DNAH12: variants seen among roughly 807,000 people sequenced by gnomAD.
DNAH12 encodes the protein axonemal beta dynein heavy chain 12.
In DNAH12, 285 loss-of-function variants were observed where a neutral mutation model predicts 371.5. The observed-to-expected ratio is 0.77, with a 90% CI of 0.70 to 0.85. The LOEUF (loss-of-function observed/expected upper bound fraction) is 0.85. Among genes scored for constraint, DNAH12 ranks in the 40% least tolerant of loss-of-function variants. DNAH12 has a pLI of 0.00. For synonymous variants in DNAH12, 1,200 were observed against 1,213.0 expected, an observed-to-expected ratio of 0.99 and a Z score of 0.22; for missense variants, 3,611 against 3,689.4, an observed-to-expected ratio of 0.98 and a Z score of 0.55.
At chr3:57,392,487 GGA>G (rs1346787389) in intron 44 of DNAH12, among the ~76,000 whole-genome samples, 3 of 151,934 alleles carry the variant, frequency 2.0e-5, no homozygotes, top group Non-Finnish European at 2.9e-5. Context: ...TAGTTTCTTG[GGA>G]GGCTGAGGTA....
At chr3:57,478,995 G>A (rs1439045387) in intron 13 of DNAH12, among the ~76,000 whole-genome samples, 1 of 152,250 alleles carries the variant, frequency 6.6e-6, no homozygotes, top group East Asian at 1.9e-4. Context: ...GACCATCGAG[G>A]CTAGGAAGAA....
At chr3:57,517,965 G>C (rs1482060682) in intron 4 of DNAH12, among the ~76,000 whole-genome samples, 2 of 152,064 alleles carry the variant, frequency 1.3e-5, no homozygotes, top group Non-Finnish European at 2.9e-5. Flanking sequence ...GAGGCTAAGA[G>C]ATTGCTTGAG....
At chr3:57,335,041 C>G in intron 60 of DNAH12, 101 bp from the exon 61 acceptor site, 2 of 1,219,692 alleles carry the variant, frequency 1.6e-6, no homozygotes, top group Non-Finnish European at 2.2e-6. Context: ...TTAGACTGTA[C>G]TTACCCACCT....
At chr3:57,474,489 T>C (rs2066463567) in intron 13 of DNAH12, among the ~76,000 whole-genome samples, 1 of 152,002 alleles carries the variant, frequency 6.6e-6, no homozygotes, top group South Asian at 2.1e-4. Flanking sequence ...AGAGACGGGA[T>C]TTCACCATGT....
At chr3:57,491,040 C>T (rs1290544645) in intron 11 of DNAH12, among the ~76,000 whole-genome samples, 2 of 142,394 alleles carry the variant, frequency 1.4e-5, no homozygotes, top group East Asian at 4.2e-4. Context: ...CGAGGTCACA[C>T]CACTGCACTC....
intron 60 of DNAH12, among the ~76,000 whole-genome samples, chr3:57,345,299 A>G (rs1553657691): frequency 6.6e-6 from 1 of 151,990 alleles, no homozygotes; most frequent in African/African-American, 2.4e-5. Context: ...CTCTTGGGAG[A>G]ACTTCCAGGA....
chr3:57,523,097 T>C (rs1032351704), intron 4 of DNAH12, among the ~76,000 whole-genome samples: 2 of 152,096 alleles, frequency 1.3e-5, no homozygotes, highest in African/African-American at 4.8e-5. Flanking sequence ...TTAAAACCCA[T>C]ATTGGCCGGG....
At chr3:57,307,025 C>T (rs559161381) in intron 69 of DNAH12, among the ~76,000 whole-genome samples, 2 of 152,322 alleles carry the variant, frequency 1.3e-5, no homozygotes, top group African/African-American at 4.8e-5. Context: ...GCTCAGCAAA[C>T]TACCTGGGCT....
intron 11 of DNAH12, among the ~76,000 whole-genome samples, chr3:57,499,643 A>ATATATAT (rs1307559756): frequency 4.9e-4 from 12 of 24,592 alleles, no homozygotes; most frequent in Non-Finnish European, 7.5e-4. Context: ...AAAAAAAAAA[A>ATATATAT]AAAAATATAT....
intron 30 of DNAH12, 73 bp from the exon 31 acceptor site, chr3:57,433,901 C>T: frequency 1.6e-6 from 2 of 1,235,432 alleles, no homozygotes; most frequent in East Asian, 5.6e-5. Context: ...GTATATAAAA[C>T]TTTACCCTGT....
intron 62 of DNAH12, among the ~76,000 whole-genome samples, chr3:57,324,355 TA>T (rs2061881196): frequency 6.6e-6 from 1 of 152,242 alleles, no homozygotes; most frequent in African/African-American, 2.4e-5. Flanking sequence ...TATACTTAGA[TA>T]CCATTTTTAA....
At chr3:57,442,579 G>T (rs1480939508) in intron 29 of DNAH12, among the ~76,000 whole-genome samples, 1 of 152,116 alleles carries the variant, frequency 6.6e-6, no homozygotes, top group African/African-American at 2.4e-5. Context: ...AAATCCAAAA[G>T]AAGTCAGTAA....
intron 33 of DNAH12, 134 bp from the exon 34 acceptor site, chr3:57,428,955 G>A: frequency 1.2e-6 from 1 of 831,606 alleles, no homozygotes; most frequent in South Asian, 2.3e-5. Context: ...GCTTCACACA[G>A]TCTAGACGTT....
Position 57,375,406 on chromosome 3 carries a change from T to C in DNAH12, c.8724A>G (p.Ile2908Met), listed in dbSNP as rs1247092178. 6.6e-6 allele frequency: 1 copy of C among 152,184 alleles called. No individual in the cohort carries two copies. The highest frequency in any genetic ancestry group is 6.5e-5 in the Admixed American group (1 of 15,270). The allele number at this position is 152,184 out of a possible 1,614,324, so 9.4% of individuals were successfully genotyped here. A position where few individuals can be genotyped will look rare whatever the true frequency, so the allele number is the denominator to read the frequency against. Residue 2908 changes from isoleucine to methionine, a missense_variant, in exon 55 of 74, where the codon ATA becomes ATG. Around this residue, in one of 3 missense-constraint regions of DNAH12, gnomAD observed 2,266 missense variants for 2,236.9 expected, o/e 1.01. Transcript: ENST00000495027. ...IAGLPTDTFS[I>M]DNGVIVNNCR... ...AGTTGTTAACGATCACTCCGTTATC[T>C]ATGGAAAATGTATCTGTTGGTAAAC...
intron 69 of DNAH12, among the ~76,000 whole-genome samples, chr3:57,304,433 T>C (rs902534068): frequency 2.6e-5 from 4 of 152,132 alleles, no homozygotes; most frequent in Non-Finnish European, 1.5e-5. Flanking sequence ...TTTTTTACTC[T>C]CTTCTCCAAC....
intron 43 of DNAH12, among the ~76,000 whole-genome samples, chr3:57,399,613 T>C (rs962576606): frequency 2.0e-5 from 3 of 152,328 alleles, no homozygotes; most frequent in South Asian, 2.1e-4. Context: ...CAGGAAGATA[T>C]AACAATTACA....
intron 43 of DNAH12, 59 bp downstream of exon 43, chr3:57,403,250 T>A: frequency 1.4e-6 from 2 of 1,471,858 alleles, no homozygotes; most frequent in Non-Finnish European, 1.8e-6. Flanking sequence ...GGTTCTCTCT[T>A]TACGAGTAAA....
rs755810223 is a variant in DNAH12 at position 57,293,858 on chromosome 3, T to A, written c.11806A>T (p.Met3936Leu). 5 of 1,550,538 alleles carry A rather than the reference T, an allele frequency of 3.2e-6. No individual in the cohort carries two copies. Among genetic ancestry groups the A allele is most frequent in the Middle Eastern group, 1.7e-4 (1 of 6,008 alleles). The change falls in exon 74 of 74, where the codon ATG (methionine) becomes TTG (leucine). Residue 3936 changes from methionine (M) to leucine (L), a missense_variant. By Grantham distance (15) the Met-to-Leu change is conservative. Around this residue, in one of 3 missense-constraint regions of DNAH12, gnomAD observed 2,266 missense variants for 2,236.9 expected, o/e 1.01. Transcript: ENST00000495027. Reference protein sequence around the residue: ...TGHSTNFVIAMLLKTDQPTRH... With the variant: ...TGHSTNFVIALLLKTDQPTRH... ...GTAGGTTGGTCTGTTTTTAACAACA[T>A]TGCAATGACAAAGTTAGTAGAATGT...
chr3:57,511,063 A>AT lies in DNAH12; in HGVS notation c.280-85dup, dbSNP rs376760128. 704 of 917,612 alleles carry AT rather than the reference A, an allele frequency of 7.7e-4. 4 individuals carry two copies. The African/African-American group carries it at 0.011, about 14-fold the overall frequency. The allele number at this position is 917,612 out of a possible 1,614,324, so 56.8% of individuals were successfully genotyped here. Reference sequence around the variant, plus strand: ...CTGAACTCTCCCTTCCTAAGACAACATTTTTTCAGATTAAAAATATTCTGA... The same window carrying AT: ...CTGAACTCTCCCTTCCTAAGACAACATTTTTTTCAGATTAAAAATATTCTGA... On this transcript the variant is annotated intron_variant, in intron 4 of 73. Coordinates refer to ENST00000495027, the MANE Select transcript of DNAH12 (RefSeq NM_001366028.2).
Sources: gnomAD v4.1 joint callset for allele counts (sites outside exome capture counted in the v4.1 genomes callset) on GRCh38, gnomAD v4.1.1 for gene constraint, gnomAD v4.1.1 regional missense constraint, MANE v1.5 for transcripts, NCBI Gene and HGNC (gene_info 2026-07-23, HGNC 2026-07-21) for gene names.